The following RAD50 variants were observed in gnomAD, a reference collection of about 807,000 sequenced individuals.
RAD50 encodes the protein RAD50 double strand break repair protein, also known as DNA repair protein RAD50.
In RAD50, 132 loss-of-function variants were observed where a neutral mutation model predicts 168.8. That is an observed-to-expected ratio of 0.78 (90% confidence interval 0.68 to 0.90). RAD50 has a LOEUF of 0.90. RAD50 is among the 40% of genes least tolerant of loss of function. The probability of loss-of-function intolerance (pLI) is 0.00; values close to 1 mark genes in which losing one functional copy is unlikely to be tolerated. For missense variants in RAD50, 1,347 were observed against 1,534.4 expected, an observed-to-expected ratio of 0.88 and a Z score of 2.04; for synonymous variants, 525 against 497.4, an observed-to-expected ratio of 1.06 and a Z score of -0.74.
chr5:132,609,078 A>G, intron 17 of RAD50, 39 bp from the exon 18 acceptor site: 1 of 1,605,822 alleles, frequency 6.2e-7, no homozygotes, highest in Non-Finnish European at 8.5e-7. Flanking sequence ...TGTGCCCTTA[A>G]GTACAACCAG....
At position 132,579,318 on chromosome 5, in the gene RAD50, C is replaced by G; in HGVS notation, c.367C>G (p.His123Asp). 1.2e-6 allele frequency: 2 copies of G among 1,613,158 alleles called. No individual in the cohort carries two copies. Among genetic ancestry groups the G allele is most frequent in the Non-Finnish European group, 1.7e-6 (2 of 1,179,372 alleles). The stretch of plus-strand genomic sequence containing the variant: ...ATTCTTGATTTTCATTTTCTGTAGG[C>G]ATGGTGAAAAGGTCAGTCTGAGCTC... Reference protein sequence around the residue: ...TLEGVITRTKHGEKVSLSSKC... With the variant: ...TLEGVITRTKDGEKVSLSSKC... Residue 123 changes from histidine to aspartate, a missense_variant and splice_region_variant, in exon 4 of 25, where the codon CAT (histidine) becomes GAT (aspartate). Physicochemically the swap from His to Asp is moderately conservative, Grantham distance 81. Coordinates refer to ENST00000378823, the MANE Select transcript of RAD50 (RefSeq NM_005732.4).
chr5:132,616,153 A>G (rs1194267955), intron 20 of RAD50, 23 bp downstream of exon 20: 1 of 1,603,786 alleles, frequency 6.2e-7, no homozygotes, highest in African/African-American at 1.3e-5. Context: ...AATAATCTTC[A>G]GTTTAAATAA....
intron 3 of RAD50, 77 bp downstream of exon 3, chr5:132,576,005 T>C: frequency 1.4e-6 from 2 of 1,397,556 alleles, no homozygotes; most frequent in Non-Finnish European, 2.0e-6. Context: ...TGTTTTCTAC[T>C]ATAAGTTTAG....
chr5:132,625,853 G>T (rs541779071), intron 21 of RAD50, among the ~76,000 whole-genome samples: 1 of 152,034 alleles, frequency 6.6e-6, no homozygotes, highest in East Asian at 1.9e-4. Flanking sequence ...CAGATGACAG[G>T]ATCTCATTTT....
chr5:132,580,075 A>AGGAG lies in RAD50; in HGVS notation c.756+9_756+10insGGAG. ...AACTTGATCCATTGAAGGTAACTTGATTTTATTTTTAATTGACAAAAATTG... is the reference window on the plus strand; with the variant it reads ...AACTTGATCCATTGAAGGTAACTTGAGGAGTTTTATTTTTAATTGACAAAAATTG... On this transcript the variant is annotated intron_variant, in intron 5 of 24. Transcript: ENST00000378823. 1 of 1,598,310 alleles carries AGGAG rather than the reference A, an allele frequency of 6.3e-7. No individual in the cohort carries two copies. Among genetic ancestry groups the AGGAG allele is most frequent in the Non-Finnish European group, 8.6e-7 (1 of 1,165,998 alleles).
intron 1 of RAD50, among the ~76,000 whole-genome samples, chr5:132,557,932 A>T (rs1750036928): frequency 6.6e-6 from 1 of 152,186 alleles, no homozygotes; most frequent in Non-Finnish European, 1.5e-5. Context: ...AATGTAACTG[A>T]TGTAGTGGGG....
intron 5 of RAD50, among the ~76,000 whole-genome samples, chr5:132,584,792 G>T (rs1394713231): frequency 2.0e-5 from 3 of 152,056 alleles, no homozygotes; most frequent in Admixed American, 2.0e-4. Context: ...CATGTCCTTT[G>T]TAGGGACATG....
At chr5:132,558,266 C>T (rs902488179) in intron 1 of RAD50, among the ~76,000 whole-genome samples, 1 of 152,196 alleles carries the variant, frequency 6.6e-6, no homozygotes, top group Non-Finnish European at 1.5e-5. Flanking sequence ...GTACTAAATA[C>T]TAGCAGAAGG....
rs1245903608 is a variant in RAD50, at chr5:132,646,262, G to C, written c.*3898G>C. Reference sequence around the variant, plus strand: ...CAATCCAGATCTCTCCTAAATGCTTGACTGATATATTCAGCTGCCTGTGGA... The same window carrying C: ...CAATCCAGATCTCTCCTAAATGCTTCACTGATATATTCAGCTGCCTGTGGA... On this transcript the variant is annotated 3_prime_UTR_variant, in exon 25 of 25. Transcript: ENST00000378823. The C allele has an allele frequency of 1.3e-5, 2 of 152,128 alleles. No homozygotes were observed. The highest frequency in any genetic ancestry group is 2.9e-5 in the Non-Finnish European group (2 of 68,052). 9.4% of individuals were successfully genotyped at this position (152,128 alleles called of 1,614,324 possible).
chr5:132,609,412 T>G lies in RAD50; in HGVS notation c.3036+16T>G. ...TACACAGAAGGTAGGTCTGTTTTGC[T>G]TATGATATCACTTACACCTATGACA... On this transcript the variant is annotated intron_variant, in intron 19 of 24. Transcript: ENST00000378823. The G allele has an allele frequency of 6.2e-7, 1 of 1,613,070 alleles. No individual in the cohort carries two copies. The highest frequency in any genetic ancestry group is 2.2e-5 in the East Asian group (1 of 44,744).
intron 13 of RAD50, 32 bp downstream of exon 13, chr5:132,595,842 T>C: frequency 6.5e-7 from 1 of 1,541,648 alleles, no homozygotes; most frequent in Non-Finnish European, 8.9e-7. Flanking sequence ...ACTGTACATG[T>C]AGCAGCACAT....
chr5:132,645,143 A>T lies in RAD50; in HGVS notation c.*2779A>T, dbSNP rs1163490426. The stretch of plus-strand genomic sequence containing the variant: ...CCCCTCCAAAATCTCAGTTTTAAGC[A>T]TCTCACTCTCCAATAACCCCATGGT... On this transcript the variant is annotated 3_prime_UTR_variant, in exon 25 of 25. Coordinates refer to ENST00000378823, the MANE Select transcript of RAD50 (RefSeq NM_005732.4). The T allele has an allele frequency of 6.6e-6, 1 of 152,150 alleles. No individual in the cohort carries two copies. Among genetic ancestry groups the T allele is most frequent in the African/African-American group, 2.4e-5 (1 of 41,432 alleles). The allele number at this position is 152,150 out of a possible 1,614,324, so 9.4% of individuals were successfully genotyped here. A position where few individuals can be genotyped will look rare whatever the true frequency, so the allele number is the denominator to read the frequency against.
chr5:132,639,353 CAAAAAAA>C (rs980327824), intron 23 of RAD50, among the ~76,000 whole-genome samples: 1 of 82,668 alleles, frequency 1.2e-5, no homozygotes, highest in Non-Finnish European at 2.5e-5. Context: ...AACTCCGTCT[CAAAAAAA>C]AAAAAAAAAA....
Position 132,557,140 on chromosome 5 carries a change from C to G in RAD50, c.-185C>G. The stretch of plus-strand genomic sequence containing the variant: ...GCTGGTGTGGGAGGAAAGGCTCCAT[C>G]CCCCGCCCCCTCTCTCCCGCTGTTG... On this transcript the variant is annotated 5_prime_UTR_variant, in exon 1 of 25. In the 5' UTR this introduces an upstream ATG that the reference lacks. Coordinates refer to ENST00000378823, the MANE Select transcript of RAD50 (RefSeq NM_005732.4). 2 of 826,294 alleles carry G rather than the reference C, an allele frequency of 2.4e-6. No individual in the cohort carries two copies. The highest frequency in any genetic ancestry group is 3.9e-6 in the Non-Finnish European group (2 of 516,128). The allele number at this position is 826,294 out of a possible 1,614,324, so 51.2% of individuals were successfully genotyped here. A position where few individuals can be genotyped will look rare whatever the true frequency, so the allele number is the denominator to read the frequency against.
chr5:132,589,787 G>A lies in RAD50; in HGVS notation c.1402G>A (p.Glu468Lys), dbSNP rs145031602. The A allele has an allele frequency of 2.7e-5, 43 of 1,613,698 alleles. No homozygotes were observed. In the African/African-American group the frequency reaches 5.5e-4, roughly 21 times the overall value. ...TGTGAAGTATGAATTACAGCAGTTG[G>A]AAGGATCTTCAGACAGGATTCTTGA... is the stretch of plus-strand genomic sequence containing the variant. ...KNVKYELQQL[E>K]GSSDRILELD... The change falls in exon 9 of 25, where the codon GAA (glutamate) becomes AAA (lysine). Residue 468 changes from glutamate (E) to lysine (K), a missense_variant. Physicochemically the swap from Glu to Lys is moderately conservative, Grantham distance 56. Coordinates refer to ENST00000378823, the MANE Select transcript of RAD50 (RefSeq NM_005732.4).
rs1180903600 is a variant in RAD50 at position 132,642,921 on chromosome 5, A to ATG, written c.*558_*559dup. The ATG allele has an allele frequency of 1.1e-5, 5 of 449,416 alleles. No individual in the cohort carries two copies. The highest frequency in any genetic ancestry group is 2.3e-5 in the Non-Finnish European group (5 of 216,864). The allele number at this position is 449,416 out of a possible 1,614,324, so 27.8% of individuals were successfully genotyped here. Reference sequence around the variant, plus strand: ...CCCAACTAAAATTTGAAGTAGTTGAATGGGGTCTCAAAGTTTGACAGGAAC... The same window carrying ATG: ...CCCAACTAAAATTTGAAGTAGTTGAATGTGGGGTCTCAAAGTTTGACAGGAAC... On this transcript the variant is annotated 3_prime_UTR_variant, in exon 25 of 25. Transcript: ENST00000378823.
intron 1 of RAD50, 81 bp downstream of exon 1, chr5:132,557,534 A>G: frequency 1.3e-6 from 2 of 1,580,364 alleles, no homozygotes; most frequent in Non-Finnish European, 1.7e-6. Flanking sequence ...AACTCTCCTT[A>G]GGAGCAGAAG....
chr5:132,589,961 T>A, intron 9 of RAD50, 124 bp downstream of exon 9: 1 of 900,936 alleles, frequency 1.1e-6, no homozygotes, highest in African/African-American at 1.7e-5. Context: ...TATTCTCATG[T>A]AAAATGAATT....
chr5:132,579,716 C>T, intron 4 of RAD50, 146 bp from the exon 5 acceptor site: 2 of 871,554 alleles, frequency 2.3e-6, no homozygotes, highest in Admixed American at 2.6e-5. Flanking sequence ...TAATTTTTTT[C>T]ACTTACCATT....
Sources: gnomAD v4.1 joint callset for allele counts (sites outside exome capture counted in the v4.1 genomes callset) on GRCh38, gnomAD v4.1.1 for gene constraint, MANE v1.5 for transcripts, NCBI Gene and HGNC (gene_info 2026-07-23, HGNC 2026-07-21) for gene names.